VRK2: variants seen among roughly 807,000 people sequenced by gnomAD.
VRK2 encodes VRK serine/threonine kinase 2.
Under a neutral mutation model 57.6 loss-of-function variants are expected in VRK2, and 60 were observed. The ratio of observed to expected loss-of-function variants is 1.04; its 90% CI spans 0.85 to 1.29. VRK2 has a LOEUF of 1.29. Ranked by LOEUF, VRK2 falls within the 50% of genes most tolerant of loss-of-function variation. VRK2 has a pLI of 0.00. For synonymous variants in VRK2, 231 were observed against 199.2 expected (o/e 1.16, Z -1.35); for missense variants, 705 against 588.1 (o/e 1.20, Z -2.06).
At chr2:57,969,503 T>G (rs1672026902) in intron 1 of VRK2, among the ~76,000 whole-genome samples, 1 of 152,014 alleles carries the variant, frequency 6.6e-6, no homozygotes, top group Non-Finnish European at 1.5e-5. Flanking sequence ...TATTTATATA[T>G]CTAAGTTTTT....
chr2:58,122,315 T>C (rs1199760956), intron 7 of VRK2, among the ~76,000 whole-genome samples: 1 of 152,148 alleles, frequency 6.6e-6, no homozygotes, highest in Admixed American at 6.5e-5. Flanking sequence ...GTCAAAAATT[T>C]GCATAATTTT....
rs1008396602 is a variant in VRK2, at chr2:58,123,872, C to T, written c.676+639C>T. Among the ~76,000 whole-genome samples the T allele has an allele frequency of 4.0e-5, 6 of 151,856 alleles. No homozygotes were observed. In the South Asian group the frequency reaches 1.0e-3, roughly 26 times the overall value. ...CCCTCAGAAAAAAAAAAAAAAGTTG[C>T]ACATACGAACAATTATTCCTGTTTT... is the stretch of plus-strand genomic sequence containing the variant. On this transcript the variant is annotated intron_variant, in intron 8 of 12. Transcript: ENST00000340157.
intron 2 of VRK2, among the ~76,000 whole-genome samples, chr2:58,030,058 G>A (rs1674065901): frequency 1.3e-5 from 2 of 152,046 alleles, no homozygotes; most frequent in Admixed American, 1.3e-4. Context: ...GGTGGTCTCA[G>A]GCATGATGCC....
In VRK2 at chr2:58,137,224, C is replaced by CTCGTATATGATACATATATATCAT. The variant is rs1553422542; in HGVS notation, c.856+2025_856+2026insTCGTATATGATACATATATATCAT. 7.7e-5 allele frequency among the ~76,000 whole-genome samples: 5 copies of CTCGTATATGATACATATATATCAT among 65,142 alleles called. 1 individual carries two copies. Among genetic ancestry groups the CTCGTATATGATACATATATATCAT allele is most frequent in the African/African-American group, 4.2e-4 (5 of 11,908 alleles). 42.7% of individuals were successfully genotyped at this position (65,142 alleles called of 152,430 possible). On this transcript the variant is annotated intron_variant, in intron 10 of 12. Coordinates refer to ENST00000340157, the MANE Select transcript of VRK2 (RefSeq NM_006296.7). Reference sequence around the variant, plus strand: ...TATCTCATATATGATACATATATATCATATGATACATATATATCATATATA... The same window carrying CTCGTATATGATACATATATATCAT: ...TATCTCATATATGATACATATATATCTCGTATATGATACATATATATCATATATGATACATATATATCATATATA...
intron 1 of VRK2, among the ~76,000 whole-genome samples, chr2:57,960,941 C>A (rs1671738779): frequency 6.6e-6 from 1 of 152,182 alleles, no homozygotes; most frequent in South Asian, 2.1e-4. Flanking sequence ...ACCAGCTCTT[C>A]CACTGGGTAG....
At chr2:57,915,186 C>A (rs1222769485) in intron 1 of VRK2, among the ~76,000 whole-genome samples, 1 of 152,100 alleles carries the variant, frequency 6.6e-6, no homozygotes, top group Non-Finnish European at 1.5e-5. Flanking sequence ...AATACATGTT[C>A]TAGTTGAAAA....
At chr2:58,004,856 A>G (rs1420855662) in intron 1 of VRK2, among the ~76,000 whole-genome samples, 1 of 152,180 alleles carries the variant, frequency 6.6e-6, no homozygotes, top group Admixed American at 6.5e-5. Context: ...TGAGACATAT[A>G]CTAGTTCTTC....
intron 3 of VRK2, chr2:58,041,074 G>A (rs1398828664): frequency 1.0e-6 from 1 of 984,948 alleles, no homozygotes; most frequent in East Asian, 1.1e-4. Context: ...GTTAACTGGG[G>A]GGGAAAAAGG....
At chr2:57,948,190 T>C (rs1671319313) in intron 1 of VRK2, among the ~76,000 whole-genome samples, 1 of 152,202 alleles carries the variant, frequency 6.6e-6, no homozygotes, top group Admixed American at 6.5e-5. Flanking sequence ...TGTTACTACT[T>C]GGTCAAATCT....
intron 1 of VRK2, among the ~76,000 whole-genome samples, chr2:57,938,434 T>C (rs1670986659): frequency 6.6e-6 from 1 of 152,160 alleles, no homozygotes; most frequent in Admixed American, 6.5e-5. Flanking sequence ...AAGTGGAATA[T>C]AGTAAGTTCA....
intron 2 of VRK2, among the ~76,000 whole-genome samples, chr2:58,059,867 A>T (rs896588218): frequency 2.0e-5 from 3 of 151,802 alleles, no homozygotes; most frequent in African/African-American, 7.2e-5. Flanking sequence ...GAATGAACAA[A>T]CACAAGTTAC....
intron 1 of VRK2, among the ~76,000 whole-genome samples, chr2:57,920,401 T>G (rs1463314582): frequency 6.6e-6 from 1 of 152,118 alleles, no homozygotes; most frequent in African/African-American, 2.4e-5. Context: ...TTTTCACATA[T>G]CCTCACGATC....
chr2:57,935,566 G>A (rs1670878133), intron 1 of VRK2, among the ~76,000 whole-genome samples: 1 of 152,136 alleles, frequency 6.6e-6, no homozygotes, highest in Non-Finnish European at 1.5e-5. Flanking sequence ...TTTTGGGGGT[G>A]TCCCTTGTGG....
intron 2 of VRK2, among the ~76,000 whole-genome samples, chr2:58,072,597 C>T (rs1669503456): frequency 6.6e-6 from 1 of 151,902 alleles, no homozygotes; most frequent in East Asian, 1.9e-4. Context: ...CCTTGTATAC[C>T]TGGAATAAAT....
At chr2:58,081,856 C>CTG (rs1437862543) in intron 2 of VRK2, among the ~76,000 whole-genome samples, 94 of 93,198 alleles carry the variant, frequency 1.0e-3, no homozygotes, top group African/African-American at 4.0e-3. Context: ...TATACCATGT[C>CTG]CGTGTGTGTG....
intron 2 of VRK2, among the ~76,000 whole-genome samples, chr2:58,061,331 A>T (rs543153851): frequency 6.6e-6 from 1 of 152,096 alleles, no homozygotes; most frequent in East Asian, 1.9e-4. Context: ...AATTTGTGGT[A>T]AAATGAAATA....
At chr2:58,132,353 AC>A (rs1679339591) in intron 9 of VRK2, among the ~76,000 whole-genome samples, 1 of 152,192 alleles carries the variant, frequency 6.6e-6, no homozygotes. Context: ...AGAGCAACAT[AC>A]CTCTTATTTC....
chr2:58,085,938 T>C (rs73944806), intron 4 of VRK2, among the ~76,000 whole-genome samples: 8 of 133,578 alleles, frequency 6.0e-5, no homozygotes, highest in African/African-American at 2.0e-4. Context: ...TTCTTTTTTT[T>C]TTTTTTTTGG....
At chr2:58,137,334 G>T (rs1680698525) in intron 10 of VRK2, among the ~76,000 whole-genome samples, 1 of 149,760 alleles carries the variant, frequency 6.7e-6, no homozygotes, top group South Asian at 2.1e-4. Context: ...TTCAGTTTAG[G>T]GTAAGAAAGC....
Sources: gnomAD v4.1 joint callset for allele counts (sites outside exome capture counted in the v4.1 genomes callset) on GRCh38, gnomAD v4.1.1 for gene constraint, MANE v1.5 for transcripts, NCBI Gene and HGNC (gene_info 2026-07-23, HGNC 2026-07-21) for gene names.